Variants in STK32B observed in about 807,000 individuals in gnomAD.
The protein encoded by STK32B is serine/threonine-protein kinase 32B.
STK32B carries 43 observed loss-of-function variants against 52.6 expected under a neutral mutation model. That is an observed-to-expected ratio of 0.82 (90% CI 0.64 to 1.05). The LOEUF (loss-of-function observed/expected upper bound fraction) is 1.05. STK32B is among the 50% of genes least tolerant of loss of function. STK32B has a pLI of 0.00. For missense variants in STK32B, 621 were observed against 534.6 expected (o/e 1.16, Z -1.59); for synonymous variants, 238 against 204.3 (o/e 1.17, Z -1.41).
intron 1 of STK32B, among the ~76,000 whole-genome samples, chr4:5,129,034 T>G (rs1184283547): frequency 6.6e-6 from 1 of 152,328 alleles, no homozygotes. Flanking sequence ...GGCCTTGAAC[T>G]AATAGATTAT....
chr4:5,178,999 G>A (rs940347338), intron 3 of STK32B, among the ~76,000 whole-genome samples: 1 of 152,172 alleles, frequency 6.6e-6, no homozygotes, highest in Non-Finnish European at 1.5e-5. Context: ...CGGTACCAAT[G>A]TACTGTATTC....
chr4:5,175,715 G>GGGGGGTGCCTCCCAGTTAGGCTACTT (rs879340183), intron 3 of STK32B, among the ~76,000 whole-genome samples: 100 of 152,296 alleles, frequency 6.6e-4, no homozygotes, highest in Non-Finnish European at 1.2e-3. Flanking sequence ...TGCCCCTACT[G>GGGGGGTGCCTCCCAGTTAGGCTACTT]GGGGGTGCCT....
At chr4:5,315,034 G>T (rs559426660) in intron 3 of STK32B, among the ~76,000 whole-genome samples, 1 of 152,174 alleles carries the variant, frequency 6.6e-6, no homozygotes, top group Admixed American at 6.5e-5. Context: ...AGGATTAAAA[G>T]ACAAGCTACA....
chr4:5,183,568 A>G (rs1020154377), intron 3 of STK32B, among the ~76,000 whole-genome samples: 2 of 152,204 alleles, frequency 1.3e-5, no homozygotes, highest in African/African-American at 4.8e-5. Context: ...ATCTACCTCC[A>G]ATACTTGTAC....
At position 5,051,893 on chromosome 4, in the gene STK32B, C is replaced by A. The variant is rs77843312; in HGVS notation, c.30C>A (p.Pro10=). 2.3e-3 allele frequency: 3,745 copies of A among 1,599,922 alleles called. 62 individuals are homozygous for A. The African/African-American group carries it at 0.04, about 17-fold the overall frequency. The stretch of plus-strand genomic sequence containing the variant: ...GCGGGAACCACTCCCACAAGCCCCC[C>A]GTGTTTGACGAGAATGAGGAAGGTA... The part of the protein sequence containing the change: MGGNHSHKP[P]VFDENEEVNF... Residue 10 remains proline, a synonymous_variant, in exon 1 of 12, where the codon CCC becomes CCA. Coordinates refer to ENST00000282908, the MANE Select transcript of STK32B (RefSeq NM_018401.3).
the STK32B span, among the ~76,000 whole-genome samples, chr4:5,035,993 G>A: frequency 4.1e-4 from 62 of 151,952 alleles, no homozygotes; most frequent in African/African-American, 1.4e-3. Context: ...TGTTGTTCAG[G>A]CTGGTTTTGA....
chr4:5,480,636 G>A (rs1189772770), intron 11 of STK32B, among the ~76,000 whole-genome samples: 1 of 151,996 alleles, frequency 6.6e-6, no homozygotes, highest in African/African-American at 2.4e-5. Flanking sequence ...CAACGTGCAG[G>A]TTAGTTACAT....
At chr4:5,425,051 G>A (rs1712967614) in intron 6 of STK32B, among the ~76,000 whole-genome samples, 1 of 152,218 alleles carries the variant, frequency 6.6e-6, no homozygotes. Context: ...GCCTGGAGCT[G>A]TTCACCCCGC....
At chr4:5,139,855 T>C (rs1156966964) in intron 1 of STK32B, 50 bp from the exon 2 acceptor site, 4 of 1,607,488 alleles carry the variant, frequency 2.5e-6, no homozygotes, top group Middle Eastern at 1.6e-4. Context: ...CAAGGAGCAA[T>C]ACCAGGTTTA....
chr4:5,314,713 T>C (rs1730547649), intron 3 of STK32B, among the ~76,000 whole-genome samples: 2 of 152,104 alleles, frequency 1.3e-5, no homozygotes, highest in Non-Finnish European at 2.9e-5. Flanking sequence ...GTGTAAAGTG[T>C]AAAGCTATAA....
At chr4:5,146,053 T>TG (rs1436394730) in intron 2 of STK32B, among the ~76,000 whole-genome samples, 4 of 128,770 alleles carry the variant, frequency 3.1e-5, no homozygotes, top group East Asian at 5.6e-4. Context: ...GTCAAGTTGT[T>TG]TTTTTTTTTT....
intron 3 of STK32B, among the ~76,000 whole-genome samples, chr4:5,188,255 C>T (rs1376359771): frequency 6.6e-6 from 1 of 152,104 alleles, no homozygotes; most frequent in Non-Finnish European, 1.5e-5. Context: ...GATGACCGAG[C>T]AATTTTATGT....
chr4:5,270,293 T>G (rs931810392), intron 3 of STK32B, among the ~76,000 whole-genome samples: 2 of 152,158 alleles, frequency 1.3e-5, no homozygotes. Flanking sequence ...GCTGAAGAAC[T>G]TGGAGTCTGA....
chr4:5,045,232 C>A, the STK32B span, among the ~76,000 whole-genome samples: 56 of 152,382 alleles, frequency 3.7e-4, no homozygotes, highest in Admixed American at 8.5e-4. Context: ...TCATCTCTTT[C>A]ATCTGCTCCA....
chr4:5,357,009 A>G (rs62297284), intron 4 of STK32B, among the ~76,000 whole-genome samples: 4,867 of 139,502 alleles, frequency 0.035, 274 homozygotes, highest in Admixed American at 0.16. Flanking sequence ...TCATATGTGT[A>G]TATATATATA....
At chr4:5,447,873 G>A (rs1238471327) in intron 7 of STK32B, among the ~76,000 whole-genome samples, 1 of 152,214 alleles carries the variant, frequency 6.6e-6, no homozygotes, top group Non-Finnish European at 1.5e-5. Context: ...CCAGTGCCCA[G>A]CACAGAGCTG....
rs1377651401 is a variant in STK32B at position 5,416,938 on chromosome 4, A to G, written c.562+4A>G. ...GCTGGCACCAAGCCCTACATGGGTG[A>G]GTGTTCCAGGCCCCTTCTTTTCATG... On this transcript the variant is annotated splice_donor_region_variant and intron_variant, in intron 6 of 11. Coordinates refer to ENST00000282908, the MANE Select transcript of STK32B (RefSeq NM_018401.3). 3.1e-6 allele frequency: 5 copies of G among 1,610,586 alleles called. No homozygotes were observed. The highest frequency in any genetic ancestry group is 4.2e-6 in the Non-Finnish European group (5 of 1,178,426).
chr4:5,192,144 ATGACAGGATCAG>A (rs1721258321), intron 3 of STK32B, among the ~76,000 whole-genome samples: 1 of 152,246 alleles, frequency 6.6e-6, no homozygotes, highest in Admixed American at 6.5e-5. Flanking sequence ...CCAGCACCGA[ATGACAGGATCAG>A]TTGAAGGATC....
intron 3 of STK32B, among the ~76,000 whole-genome samples, chr4:5,213,091 T>A (rs564730362): frequency 6.6e-6 from 1 of 152,310 alleles, no homozygotes; most frequent in Non-Finnish European, 1.5e-5. Context: ...GCATTAGCAC[T>A]GCTGTTTTCA....
Sources: allele counts gnomAD v4.1 joint callset (sites outside exome capture counted in the v4.1 genomes callset), GRCh38; gene constraint gnomAD v4.1.1; transcripts MANE v1.5; gene names NCBI Gene and HGNC (gene_info 2026-07-23, HGNC 2026-07-21).